The following MAN2A1 variants were observed in gnomAD, a reference collection of about 807,000 sequenced individuals.
The protein encoded by MAN2A1 is alpha-mannosidase 2.
MAN2A1 carries 76 observed loss-of-function variants against 142.6 expected under a neutral mutation model. The ratio of observed to expected loss-of-function variants is 0.53; its 90% confidence interval spans 0.44 to 0.65. The LOEUF (loss-of-function observed/expected upper bound fraction) is 0.65. MAN2A1 is among the 30% of genes least tolerant of loss of function. The pLI, the probability that MAN2A1 is intolerant of heterozygous loss-of-function variation, is 0.00. For synonymous variants in MAN2A1, 559 were observed against 473.2 expected, an observed-to-expected ratio of 1.18 and a Z score of -2.35; for missense variants, 1,311 against 1,365.1, an observed-to-expected ratio of 0.96 and a Z score of 0.62.
intron 16 of MAN2A1, among the ~76,000 whole-genome samples, chr5:109,839,955 A>T (rs1224054421): frequency 1.3e-5 from 2 of 150,570 alleles, no homozygotes; most frequent in Admixed American, 6.6e-5. Flanking sequence ...TTTTTAACAG[A>T]AATGTCTTAG....
chr5:109,823,458 A>C (rs1485065650), intron 15 of MAN2A1, among the ~76,000 whole-genome samples: 1 of 152,208 alleles, frequency 6.6e-6, no homozygotes, highest in African/African-American at 2.4e-5. Flanking sequence ...GATTTTAGTT[A>C]GAAATTTGTA....
intron 3 of MAN2A1, among the ~76,000 whole-genome samples, chr5:109,726,115 T>G (rs1213639415): frequency 6.6e-6 from 1 of 152,198 alleles, no homozygotes; most frequent in Admixed American, 6.5e-5. Context: ...TTCAGGGATA[T>G]TCCAACAGAA....
intron 12 of MAN2A1, among the ~76,000 whole-genome samples, chr5:109,791,810 T>C (rs1753745306): frequency 6.6e-6 from 1 of 152,062 alleles, no homozygotes. Context: ...GAGGTGATAA[T>C]GTAAAAAAGA....
chr5:109,856,601 A>C (rs944776765), intron 20 of MAN2A1, among the ~76,000 whole-genome samples: 1 of 152,228 alleles, frequency 6.6e-6, no homozygotes, highest in African/African-American at 2.4e-5. Flanking sequence ...GCCATCAAGC[A>C]GGCAGAAGAA....
chr5:109,720,662 T>C (rs992193969), intron 3 of MAN2A1, among the ~76,000 whole-genome samples: 2 of 152,072 alleles, frequency 1.3e-5, no homozygotes, highest in African/African-American at 4.8e-5. Context: ...ACACTAACAA[T>C]AGGTGATGAG....
chr5:109,714,989 C>A (rs1165358129), intron 2 of MAN2A1, among the ~76,000 whole-genome samples: 352 of 117,684 alleles, frequency 3.0e-3, no homozygotes, highest in Admixed American at 2.9e-3. Context: ...AAGGGAACAG[C>A]AAAAAAAAAA....
intron 8 of MAN2A1, among the ~76,000 whole-genome samples, chr5:109,776,615 A>G (rs1450734809): frequency 1.3e-5 from 2 of 152,172 alleles, no homozygotes; most frequent in Non-Finnish European, 2.9e-5. Flanking sequence ...CATTTAAAAA[A>G]TTGAAGTGCC....
At chr5:109,804,126 A>G in intron 12 of MAN2A1, 2 of 984,800 alleles carry the variant, frequency 2.0e-6, no homozygotes, top group Non-Finnish European at 2.4e-6. Context: ...ACTCTTCTGA[A>G]CTAGATTTTT....
intron 1 of MAN2A1, among the ~76,000 whole-genome samples, chr5:109,693,985 G>T (rs1272387225): frequency 6.6e-6 from 1 of 152,192 alleles, no homozygotes; most frequent in Non-Finnish European, 1.5e-5. Flanking sequence ...CTTTGTTAAG[G>T]TCTCCCTGAA....
At chr5:109,765,198 G>A (rs1439068319) in intron 5 of MAN2A1, among the ~76,000 whole-genome samples, 4 of 152,068 alleles carry the variant, frequency 2.6e-5, no homozygotes, top group African/African-American at 4.8e-5. Context: ...ATCCATGGTC[G>A]TACATTGCAT....
intron 19 of MAN2A1, among the ~76,000 whole-genome samples, chr5:109,850,159 G>A (rs192159614): frequency 1.3e-5 from 2 of 152,318 alleles, no homozygotes; most frequent in East Asian, 3.9e-4. Flanking sequence ...AGTGGGGAAT[G>A]TGCCTTTCTT....
intron 21 of MAN2A1, 92 bp downstream of exon 21, chr5:109,865,238 C>A: frequency 2.3e-6 from 2 of 887,998 alleles, no homozygotes; most frequent in Non-Finnish European, 3.7e-6. Context: ...TGTTTCATTG[C>A]TTCTTTACTG....
chr5:109,824,283 C>T (rs945337792), intron 16 of MAN2A1, among the ~76,000 whole-genome samples: 2 of 152,184 alleles, frequency 1.3e-5, no homozygotes, highest in African/African-American at 2.4e-5. Flanking sequence ...TTGTTTACAG[C>T]TCTTTACCCA....
chr5:109,820,017 G>C (rs1002971249), intron 14 of MAN2A1, 130 bp downstream of exon 14: 2 of 829,796 alleles, frequency 2.4e-6, no homozygotes, highest in Non-Finnish European at 3.8e-6. Context: ...GTAAAAGGAA[G>C]CATGAGCTTT....
intron 12 of MAN2A1, among the ~76,000 whole-genome samples, chr5:109,791,085 G>A (rs1438436520): frequency 6.6e-6 from 1 of 151,880 alleles, no homozygotes; most frequent in African/African-American, 2.4e-5. Context: ...GGAATTTCGG[G>A]GGCTATTAGT....
chr5:109,800,979 T>G (rs2112696830), intron 12 of MAN2A1, among the ~76,000 whole-genome samples: 1 of 152,368 alleles, frequency 6.6e-6, no homozygotes, highest in African/African-American at 2.4e-5. Context: ...CATTGTTTTC[T>G]TCTTTAAAGG....
chr5:109,869,300 G>A lies in MAN2A1; in HGVS notation c.*2302G>A, dbSNP rs1239361837. On this transcript the variant is annotated 3_prime_UTR_variant, in exon 22 of 22. Coordinates refer to ENST00000261483, the MANE Select transcript of MAN2A1 (RefSeq NM_002372.4). ...TGTTCAGTTGACCAAGTAGTTCAGT[G>A]TTTTCTTTCCTTTTTTTGGAAATTT... 3 of 152,100 alleles carry A rather than the reference G, an allele frequency of 2.0e-5. No individual in the cohort carries two copies. The highest frequency in any genetic ancestry group is 4.4e-5 in the Non-Finnish European group (3 of 68,032). 9.4% of individuals were successfully genotyped at this position (152,100 alleles called of 1,614,324 possible).
At chr5:109,715,516 T>C (rs1751428547) in intron 2 of MAN2A1, among the ~76,000 whole-genome samples, 3 of 152,056 alleles carry the variant, frequency 2.0e-5, no homozygotes, top group Admixed American at 6.5e-5. Flanking sequence ...AACAATAGGA[T>C]ACATAAAAGC....
rs996699603 is a variant in MAN2A1 at position 109,822,967 on chromosome 5, G to T, written c.2452-756G>T. Among the ~76,000 whole-genome samples the T allele has an allele frequency of 3.9e-5, 6 of 152,138 alleles. No individual in the cohort carries two copies. The South Asian group carries it at 1.2e-3, about 31-fold the overall frequency. ...GCTAGGGTTACAAGGCGTGAGCCAC[G>T]GCGCCTGGCCGAAAATCTTACACTG... On this transcript the variant is annotated intron_variant, in intron 15 of 21. Transcript: ENST00000261483.
Sources: allele counts gnomAD v4.1 joint callset (sites outside exome capture counted in the v4.1 genomes callset), GRCh38; gene constraint gnomAD v4.1.1; transcripts MANE v1.5; gene names NCBI Gene and HGNC (gene_info 2026-07-23, HGNC 2026-07-21).